The following TNIP1 variants were observed in gnomAD, a reference collection of about 807,000 sequenced individuals.
TNIP1 encodes the protein TNFAIP3 interacting protein 1, also known as TNFAIP3-interacting protein 1.
A neutral mutation model predicts 86.6 loss-of-function variants in TNIP1; 22 were observed. The observed-to-expected ratio is 0.25, with a 90% CI of 0.18 to 0.36. The LOEUF (loss-of-function observed/expected upper bound fraction) is 0.36, where lower values mean the gene tolerates loss of function less well. Ranked by LOEUF, TNIP1 falls within the 10% of genes least tolerant of loss-of-function variation. The pLI, the probability that TNIP1 is intolerant of heterozygous loss-of-function variation, is 1.00. For missense variants in TNIP1, 709 were observed against 820.6 expected (o/e 0.86, Z 1.66); for synonymous variants, 294 against 313.0 (o/e 0.94, Z 0.64).
In TNIP1 at chr5:151,063,827, G is replaced by A. The variant is rs78515578; in HGVS notation, c.137-80C>T. The A allele has an allele frequency of 2.7e-4, 416 of 1,545,958 alleles. 4 individuals are homozygous for A. The African/African-American group carries it at 5.0e-3, about 19-fold the overall frequency. On this transcript the variant is annotated intron_variant, in intron 2 of 17. Transcript: ENST00000521591. ...TTCTCCCCGTCCCAGGCCCCTAACC[G>A]TGCTGCCGCCTGGCTTCTGAGGCTC...
intron 9 of TNIP1, among the ~76,000 whole-genome samples, chr5:151,045,118 G>A (rs764404286): frequency 6.6e-6 from 1 of 151,958 alleles, no homozygotes; most frequent in Admixed American, 6.6e-5. Flanking sequence ...TTGAGATGGG[G>A]TCTTGCTCTG....
intron 8 of TNIP1, 93 bp from the exon 9 acceptor site, chr5:151,046,043 G>A: frequency 8.2e-7 from 1 of 1,218,186 alleles, no homozygotes; most frequent in Non-Finnish European, 1.2e-6. Flanking sequence ...CACCCAAGTG[G>A]CCCCAGCCCT....
At chr5:151,047,135 T>G (rs1759278121) in intron 8 of TNIP1, among the ~76,000 whole-genome samples, 1 of 152,158 alleles carries the variant, frequency 6.6e-6, no homozygotes, top group South Asian at 2.1e-4. Flanking sequence ...AAGACAGCAC[T>G]TGGCCAAGTG....
At chr5:151,071,224 G>A (rs1762791535) in intron 1 of TNIP1, among the ~76,000 whole-genome samples, 1 of 152,124 alleles carries the variant, frequency 6.6e-6, no homozygotes. Context: ...TTCAAGGACC[G>A]CACCCTGGCA....
intron 8 of TNIP1, among the ~76,000 whole-genome samples, chr5:151,047,491 G>A (rs960338798): frequency 3.9e-5 from 6 of 152,200 alleles, no homozygotes; most frequent in African/African-American, 4.8e-5. Context: ...GCTGGCACAC[G>A]ACAGGACATG....
rs2287721 is a variant in TNIP1, at chr5:151,039,019, G to A, written c.1263+78C>T. 190 of 1,541,896 alleles carry A rather than the reference G, an allele frequency of 1.2e-4. 2 individuals carry two copies. The East Asian group carries it at 3.1e-3, about 25-fold the overall frequency. On this transcript the variant is annotated intron_variant, in intron 12 of 17. Transcript: ENST00000521591. ...GTTACCCTTCCTAAGCTGAATGGTT[G>A]GGGGTGCCAGTGATGGGGTGGGCAT...
At chr5:151,069,259 C>T (rs1045915016) in intron 1 of TNIP1, among the ~76,000 whole-genome samples, 1 of 152,222 alleles carries the variant, frequency 6.6e-6, no homozygotes, top group Non-Finnish European at 1.5e-5. Context: ...CTAGCTTTTG[C>T]TCTGAAATGC....
chr5:151,069,016 G>A (rs1351091407), intron 1 of TNIP1, among the ~76,000 whole-genome samples: 3 of 152,236 alleles, frequency 2.0e-5, no homozygotes, highest in African/African-American at 4.8e-5. Flanking sequence ...CTGCCCGCTG[G>A]AACCAGAAAG....
chr5:151,049,694 G>GT (rs1759648640), intron 8 of TNIP1, 130 bp downstream of exon 8: 4 of 1,149,054 alleles, frequency 3.5e-6, no homozygotes, highest in Non-Finnish European at 5.0e-6. Context: ...AAAAAAACAC[G>GT]TAACAGCTAG....
At chr5:151,050,149 G>A (rs1301584978) in intron 7 of TNIP1, among the ~76,000 whole-genome samples, 1 of 152,144 alleles carries the variant, frequency 6.6e-6, no homozygotes, top group Non-Finnish European at 1.5e-5. Flanking sequence ...GATTGTCAAT[G>A]GCAGGGTTTC....
At chr5:151,075,858 C>T (rs921218717) in intron 1 of TNIP1, among the ~76,000 whole-genome samples, 2 of 152,226 alleles carry the variant, frequency 1.3e-5, no homozygotes, top group South Asian at 2.1e-4. Flanking sequence ...AGGGCAGTCC[C>T]ATACCTGCCC....
chr5:151,077,262 G>C (rs533275111), intron 1 of TNIP1, among the ~76,000 whole-genome samples: 1 of 152,208 alleles, frequency 6.6e-6, no homozygotes, highest in African/African-American at 2.4e-5. Flanking sequence ...TATGAGGGCA[G>C]AGCTGACAAT....
rs753352584 is a variant in TNIP1 at position 151,030,622 on chromosome 5, C to T, written c.*91G>A. The stretch of plus-strand genomic sequence containing the variant: ...GCCTCTCATCCAGCTGAGGCTCTGG[C>T]CACACCGTGCAAGTGGCTTCTAGTT... On this transcript the variant is annotated 3_prime_UTR_variant, in exon 18 of 18. Transcript: ENST00000521591. 1.3e-6 allele frequency: 2 copies of T among 1,599,282 alleles called. No individual in the cohort carries two copies. The highest frequency in any genetic ancestry group is 2.3e-5 in the East Asian group (1 of 44,262).
chr5:151,032,110 T>G (rs968267383), intron 17 of TNIP1, 177 bp downstream of exon 17: 2 of 604,712 alleles, frequency 3.3e-6, no homozygotes, highest in African/African-American at 3.7e-5. Context: ...AATGAATGGT[T>G]TCAGCCCCCC....
chr5:151,032,222 G>T, intron 17 of TNIP1, 65 bp downstream of exon 17: 2 of 1,385,146 alleles, frequency 1.4e-6, no homozygotes, highest in Non-Finnish European at 2.0e-6. Flanking sequence ...CCAAACTCAG[G>T]CAATGCTGGC....
intron 1 of TNIP1, chr5:151,080,429 T>G (rs1337058004): frequency 6.6e-6 from 1 of 152,222 alleles, no homozygotes; most frequent in Non-Finnish European, 1.5e-5. Context: ...ATGAGTCTAA[T>G]ACACGTACAG....
In TNIP1 at chr5:151,044,419, A is replaced by G. The variant is rs141836029; in HGVS notation, c.936+1442T>C. On this transcript the variant is annotated intron_variant, in intron 9 of 17. Coordinates refer to ENST00000521591, the MANE Select transcript of TNIP1 (RefSeq NM_006058.5). ...TATATACATATATATACACACACGT[A>G]TATGTATAATTTTATTCTACTTTGA... Among the ~76,000 whole-genome samples, 82 of 152,208 alleles carry G rather than the reference A, an allele frequency of 5.4e-4. 1 individual carries two copies. The East Asian group carries it at 0.014, about 27-fold the overall frequency.
At chr5:151,048,273 C>G (rs574105173) in intron 8 of TNIP1, among the ~76,000 whole-genome samples, 26 of 152,316 alleles carry the variant, frequency 1.7e-4, no homozygotes, top group Admixed American at 1.3e-3. Context: ...GTCAGCAGAG[C>G]TGGCTGCTGG....
chr5:151,044,045 T>C (rs886081304), intron 9 of TNIP1, among the ~76,000 whole-genome samples: 1 of 152,180 alleles, frequency 6.6e-6, no homozygotes, highest in African/African-American at 2.4e-5. Flanking sequence ...GTTATAGATA[T>C]GAATAGATAC....
Sources: gnomAD v4.1 joint callset for allele counts (sites outside exome capture counted in the v4.1 genomes callset) on GRCh38, gnomAD v4.1.1 for gene constraint, MANE v1.5 for transcripts, NCBI Gene and HGNC (gene_info 2026-07-23, HGNC 2026-07-21) for gene names.